PCLO: variants seen among roughly 807,000 people sequenced by gnomAD.
The protein encoded by PCLO is piccolo presynaptic cytomatrix protein.
A neutral mutation model predicts 427.5 loss-of-function variants in PCLO; 82 were observed. That is an observed-to-expected ratio of 0.19 (90% CI 0.16 to 0.23). PCLO has a LOEUF of 0.23. PCLO is among the 10% of genes least tolerant of loss of function. The probability of loss-of-function intolerance (pLI) is 1.00; values close to 1 mark genes in which losing one functional copy is unlikely to be tolerated. For missense variants in PCLO, 6,239 were observed against 6,115.9 expected, an observed-to-expected ratio of 1.02 and a Z score of -0.67; for synonymous variants, 2,357 against 2,155.4, an observed-to-expected ratio of 1.09 and a Z score of -2.59.
chr7:82,966,480 T>A lies in PCLO; in HGVS notation c.3308A>T (p.Glu1103Val). The change falls in exon 4 of 25, where the codon GAA becomes GTA. Residue 1103 changes from glutamate (E) to valine (V), a missense_variant. This residue lies in a region of PCLO where 4,677 missense variants were observed against 4,468.4 expected (regional missense o/e 1.05). Transcript: ENST00000333891. ...NPTPHLTEIQ[E>V]WLCLNCQTQR... ...GGTTTGGCAATTTAAACAAAGCCAT[T>A]CTTGAATCTGTGGGAAAAAAATTAC... 3.8e-6 allele frequency: 6 copies of A among 1,560,854 alleles called. No individual in the cohort carries two copies. The highest frequency in any genetic ancestry group is 5.2e-6 in the Non-Finnish European group (6 of 1,155,812).
At chr7:83,120,093 C>G (rs148912553) in intron 3 of PCLO, among the ~76,000 whole-genome samples, 1 of 151,774 alleles carries the variant, frequency 6.6e-6, no homozygotes, top group African/African-American at 2.4e-5. Flanking sequence ...AGATAAGAGA[C>G]GATCAGAATA....
At chr7:82,924,078 T>C (rs200324580) in intron 6 of PCLO, among the ~76,000 whole-genome samples, 1 of 152,130 alleles carries the variant, frequency 6.6e-6, no homozygotes, top group Non-Finnish European at 1.5e-5. Context: ...GATTGATTGT[T>C]AATTAATATA....
intron 2 of PCLO, among the ~76,000 whole-genome samples, chr7:83,152,827 T>A (rs1477719907): frequency 6.6e-6 from 1 of 152,220 alleles, no homozygotes; most frequent in African/African-American, 2.4e-5. Context: ...TATATTATAT[T>A]TTCTTGTGCA....
intron 3 of PCLO, among the ~76,000 whole-genome samples, chr7:83,038,813 C>T (rs930443198): frequency 2.0e-5 from 3 of 151,940 alleles, no homozygotes; most frequent in East Asian, 1.9e-4. Context: ...GATGGTTTTT[C>T]GAAGTGGCTG....
intron 3 of PCLO, among the ~76,000 whole-genome samples, chr7:83,067,025 C>A (rs968175982): frequency 6.6e-5 from 10 of 152,142 alleles, no homozygotes; most frequent in Admixed American, 6.5e-4. Flanking sequence ...TTTCTTTATG[C>A]ACAAAATTAT....
intron 3 of PCLO, among the ~76,000 whole-genome samples, chr7:83,043,653 A>T (rs1158379191): frequency 6.6e-6 from 1 of 152,040 alleles, no homozygotes; most frequent in East Asian, 1.9e-4. Flanking sequence ...ATTGCCCTCA[A>T]TTTTCATTTG....
intron 10 of PCLO, among the ~76,000 whole-genome samples, chr7:82,878,593 A>C (rs1793428949): frequency 6.6e-6 from 1 of 152,122 alleles, no homozygotes; most frequent in African/African-American, 2.4e-5. Context: ...TATTTTGAGA[A>C]TCTAGGTCTA....
At chr7:82,839,157 T>C (rs1199630564) in intron 14 of PCLO, among the ~76,000 whole-genome samples, 1 of 152,082 alleles carries the variant, frequency 6.6e-6, no homozygotes, top group Admixed American at 6.6e-5. Flanking sequence ...GATGTTACTT[T>C]TGTTTGTTAA....
chr7:82,971,302 AT>A (rs1476893302), intron 3 of PCLO, among the ~76,000 whole-genome samples: 2 of 151,654 alleles, frequency 1.3e-5, no homozygotes, highest in Admixed American at 6.6e-5. Flanking sequence ...TGTGATACGC[AT>A]GATTATTCAT....
chr7:83,030,176 G>GATGGAGGGAGA (rs1788629050), intron 3 of PCLO, among the ~76,000 whole-genome samples: 1 of 149,102 alleles, frequency 6.7e-6, no homozygotes, highest in Non-Finnish European at 1.5e-5. Context: ...CCTCACATTT[G>GATGGAGGGAGA]ATGGAGGGAG....
chr7:83,005,005 A>C (rs1583897455), intron 3 of PCLO, among the ~76,000 whole-genome samples: 1 of 151,796 alleles, frequency 6.6e-6, no homozygotes, highest in Non-Finnish European at 1.5e-5. Context: ...AGTGATTATT[A>C]TCAAAAAGTC....
chr7:83,115,701 G>A (rs1161199151), intron 3 of PCLO, among the ~76,000 whole-genome samples: 5 of 151,952 alleles, frequency 3.3e-5, no homozygotes, highest in Non-Finnish European at 7.4e-5. Context: ...AGAGATTGGA[G>A]GTTATTTTTA....
At chr7:82,890,055 A>T (rs984703050) in intron 9 of PCLO, among the ~76,000 whole-genome samples, 1 of 151,448 alleles carries the variant, frequency 6.6e-6, no homozygotes, top group African/African-American at 2.4e-5. Flanking sequence ...TATTATATAT[A>T]CATACATGCA....
chr7:82,774,814 T>G (rs1028161642), intron 22 of PCLO, among the ~76,000 whole-genome samples: 1 of 152,182 alleles, frequency 6.6e-6, no homozygotes, highest in Non-Finnish European at 1.5e-5. Context: ...TCCAGGGGTT[T>G]GGAAAAATAC....
intron 2 of PCLO, among the ~76,000 whole-genome samples, chr7:83,152,101 A>T (rs912213990): frequency 6.6e-6 from 1 of 151,926 alleles, no homozygotes; most frequent in African/African-American, 2.4e-5. Flanking sequence ...AGTAGCTGGG[A>T]CTACAAGCGC....
intron 3 of PCLO, among the ~76,000 whole-genome samples, chr7:83,008,092 T>TAC (rs1583901070): frequency 6.6e-6 from 1 of 151,490 alleles, no homozygotes; most frequent in Non-Finnish European, 1.5e-5. Flanking sequence ...GTGTAATAAA[T>TAC]ACACACACAT....
Position 82,892,981 on chromosome 7 carries a change from G to C in PCLO, c.13528+9670C>G, listed in dbSNP as rs890932208. Reference sequence around the variant, plus strand: ...ACACTTTTACACTGTTGGTGGGACTGTAAACTGTTCAACCATTGTGGAAGA... The same window carrying C: ...ACACTTTTACACTGTTGGTGGGACTCTAAACTGTTCAACCATTGTGGAAGA... On this transcript the variant is annotated intron_variant, in intron 9 of 24. Coordinates refer to ENST00000333891, the MANE Select transcript of PCLO (RefSeq NM_033026.6). Among the ~76,000 whole-genome samples, 3 of 152,294 alleles carry C rather than the reference G, an allele frequency of 2.0e-5. No individual in the cohort carries two copies. The East Asian group carries it at 5.8e-4, about 29-fold the overall frequency.
At chr7:82,760,943 CTTTTTT>C (rs767222339) in intron 23 of PCLO, among the ~76,000 whole-genome samples, 159 bp from the exon 24 acceptor site, 3 of 60,370 alleles carry the variant, frequency 5.0e-5, no homozygotes, top group African/African-American at 1.3e-4. Flanking sequence ...AAAGATATGT[CTTTTTT>C]TTTTTTTTTT....
chr7:82,795,961 G>C (rs1791214844), intron 22 of PCLO, among the ~76,000 whole-genome samples: 1 of 152,064 alleles, frequency 6.6e-6, no homozygotes, highest in Non-Finnish European at 1.5e-5. Flanking sequence ...ACATTTCAGA[G>C]ACTTCTAGGT....
Sources: allele counts gnomAD v4.1 joint callset (sites outside exome capture counted in the v4.1 genomes callset), GRCh38; gene constraint gnomAD v4.1.1; regional missense constraint gnomAD v4.1.1; transcripts MANE v1.5; gene names NCBI Gene and HGNC (gene_info 2026-07-23, HGNC 2026-07-21).